The following RTN1 variants were observed in gnomAD, a reference collection of about 807,000 sequenced individuals.
RTN1 encodes reticulon 1.
Under a neutral mutation model 65.5 loss-of-function variants are expected in RTN1, and 25 were observed. That is an observed-to-expected ratio of 0.38 (90% CI 0.28 to 0.53). RTN1 has a LOEUF of 0.53. RTN1 is among the 20% of genes least tolerant of loss of function. The probability of loss-of-function intolerance (pLI) is 0.79; values close to 1 mark genes in which losing one functional copy is unlikely to be tolerated. For missense variants in RTN1, 983 were observed against 1,025.4 expected, an observed-to-expected ratio of 0.96 and a Z score of 0.57; for synonymous variants, 471 against 447.6, an observed-to-expected ratio of 1.05 and a Z score of -0.66.
chr14:59,777,375 C>A lies in RTN1; in HGVS notation c.242-30894G>T, dbSNP rs138264388. Reference sequence around the variant, plus strand: ...TCTTCTCCCAATAATAGTTACTCATCAATTGGAAATAGACCAGATTATATT... The same window carrying A: ...TCTTCTCCCAATAATAGTTACTCATAAATTGGAAATAGACCAGATTATATT... On this transcript the variant is annotated intron_variant, in intron 1 of 8. Coordinates refer to ENST00000267484, the MANE Select transcript of RTN1 (RefSeq NM_021136.3). 1.5e-3 allele frequency among the ~76,000 whole-genome samples: 223 copies of A among 152,258 alleles called. 1 individual carries two copies. Among genetic ancestry groups the A allele is most frequent in the African/African-American group, 4.9e-3 (205 of 41,562 alleles).
At chr14:59,744,013 C>A (rs184840024) in intron 2 of RTN1, among the ~76,000 whole-genome samples, 3 of 152,140 alleles carry the variant, frequency 2.0e-5, no homozygotes, top group Non-Finnish European at 4.4e-5. Flanking sequence ...AATCAGGGAC[C>A]TGGCGCAGTG....
At chr14:59,647,540 A>G (rs1882926206) in intron 3 of RTN1, among the ~76,000 whole-genome samples, 1 of 152,250 alleles carries the variant, frequency 6.6e-6, no homozygotes, top group African/African-American at 2.4e-5. Context: ...AGTCAACCAC[A>G]CAGTTGGTTA....
intron 3 of RTN1, among the ~76,000 whole-genome samples, chr14:59,636,255 A>G (rs1239983740): frequency 6.6e-6 from 1 of 152,092 alleles, no homozygotes; most frequent in African/African-American, 2.4e-5. Context: ...ATGGAGGTGG[A>G]TCCCTCATGG....
At chr14:59,761,344 G>A (rs60907065) in intron 1 of RTN1, among the ~76,000 whole-genome samples, 2,325 of 152,228 alleles carry the variant, frequency 0.015, 51 homozygotes, top group African/African-American at 0.047. Flanking sequence ...TACTGTTCTC[G>A]TGGTAATGAA....
intron 1 of RTN1, among the ~76,000 whole-genome samples, chr14:59,802,967 G>A (rs1027140238): frequency 3.3e-5 from 5 of 151,648 alleles, no homozygotes; most frequent in African/African-American, 7.3e-5. Flanking sequence ...GAATTTACAG[G>A]TGACATTTAA....
rs777883836 is a variant in RTN1, at chr14:59,603,121, T to C, written c.2232A>G (p.Ala744=). Residue 744 remains alanine, a splice_region_variant and synonymous_variant, in exon 8 of 9, where the codon GCA becomes GCG. Coordinates refer to ENST00000267484, the MANE Select transcript of RTN1 (RefSeq NM_021136.3). ...TLPVVYVKHQ[A]QIDQYLGLVR... ...CAAGTCCCAGATATTGGTCAATCTG[T>C]GCCTACATAAAGAAAAAAAAAATAA... 2 of 1,612,134 alleles carry C rather than the reference T, an allele frequency of 1.2e-6. No individual in the cohort carries two copies. The highest frequency in any genetic ancestry group is 1.7e-6 in the Non-Finnish European group (2 of 1,179,308).
At chr14:59,840,144 T>C (rs1303151864) in intron 1 of RTN1, among the ~76,000 whole-genome samples, 1 of 152,156 alleles carries the variant, frequency 6.6e-6, no homozygotes, top group Non-Finnish European at 1.5e-5. Context: ...CCTATCCTGG[T>C]TTAAAACACT....
intron 1 of RTN1, among the ~76,000 whole-genome samples, chr14:59,773,588 A>G (rs1320506236): frequency 6.6e-6 from 1 of 152,268 alleles, no homozygotes; most frequent in Middle Eastern, 3.4e-3. Context: ...CATAATTGAG[A>G]ATCAGATGCA....
chr14:59,646,234 T>C (rs1471798316), intron 3 of RTN1, among the ~76,000 whole-genome samples: 1 of 152,158 alleles, frequency 6.6e-6, no homozygotes, highest in Non-Finnish European at 1.5e-5. Context: ...CTGGCTCTTT[T>C]AAACACGACA....
intron 3 of RTN1, among the ~76,000 whole-genome samples, chr14:59,702,628 G>A (rs549801278): frequency 6.6e-6 from 1 of 152,128 alleles, no homozygotes; most frequent in Non-Finnish European, 1.5e-5. Context: ...TCCAAAACCT[G>A]ATCATTTTTT....
rs545859840 is a variant in RTN1 at position 59,735,060 on chromosome 14, A to G, written c.1016-7392T>C. ...CCTCTCAGCAGAAACCCTATAAGCTAGAAGAGACTGGGGGCCAATATTCAA... is the reference window on the plus strand; with the variant it reads ...CCTCTCAGCAGAAACCCTATAAGCTGGAAGAGACTGGGGGCCAATATTCAA... On this transcript the variant is annotated intron_variant, in intron 2 of 8. Coordinates refer to ENST00000267484, the MANE Select transcript of RTN1 (RefSeq NM_021136.3). Among the ~76,000 whole-genome samples the G allele has an allele frequency of 2.6e-5, 4 of 152,306 alleles. No homozygotes were observed. The East Asian group carries it at 5.8e-4, about 22-fold the overall frequency.
At chr14:59,814,386 G>A (rs1051476183) in intron 1 of RTN1, among the ~76,000 whole-genome samples, 2 of 152,182 alleles carry the variant, frequency 1.3e-5, no homozygotes, top group Non-Finnish European at 2.9e-5. Context: ...ATTGCATATT[G>A]GCAGTGAGGG....
intron 1 of RTN1, among the ~76,000 whole-genome samples, chr14:59,808,018 C>T (rs1886666900): frequency 6.6e-6 from 1 of 152,170 alleles, no homozygotes; most frequent in Admixed American, 6.5e-5. Flanking sequence ...AATTGTGCTT[C>T]TTAGATTATA....
At chr14:59,806,629 T>C (rs28588599) in intron 1 of RTN1, among the ~76,000 whole-genome samples, 31,620 of 152,060 alleles carry the variant, frequency 0.21, 4,878 homozygotes, top group African/African-American at 0.43. Flanking sequence ...CCTCCACCTT[T>C]GGGTAAGCCC....
chr14:59,607,254 T>C (rs1881786825), intron 4 of RTN1, 31 bp downstream of exon 4: 1 of 1,600,750 alleles, frequency 6.2e-7, no homozygotes. Flanking sequence ...CCCTGGTCAG[T>C]GGGTGAGGGC....
At chr14:59,830,727 C>T (rs1336143868) in intron 1 of RTN1, among the ~76,000 whole-genome samples, 1 of 152,114 alleles carries the variant, frequency 6.6e-6, no homozygotes, top group African/African-American at 2.4e-5. Context: ...CATCTCTGTG[C>T]CTTAATTTTC....
At chr14:59,628,868 T>C (rs1392486806) in intron 3 of RTN1, among the ~76,000 whole-genome samples, 2 of 152,170 alleles carry the variant, frequency 1.3e-5, no homozygotes, top group East Asian at 1.9e-4. Context: ...CTTATACAAA[T>C]AGAAAAGAAA....
chr14:59,694,462 A>G (rs1447747991), intron 3 of RTN1, among the ~76,000 whole-genome samples: 1 of 152,204 alleles, frequency 6.6e-6, no homozygotes, highest in Non-Finnish European at 1.5e-5. Flanking sequence ...TGAGAATCAG[A>G]GATTTATCAC....
chr14:59,703,549 T>C (rs1884225456), intron 3 of RTN1, among the ~76,000 whole-genome samples: 3 of 152,204 alleles, frequency 2.0e-5, no homozygotes. Flanking sequence ...TGCAGAACCA[T>C]GAGTCAATAA....
Sources: allele counts gnomAD v4.1 joint callset (sites outside exome capture counted in the v4.1 genomes callset), GRCh38; gene constraint gnomAD v4.1.1; transcripts MANE v1.5; gene names NCBI Gene and HGNC (gene_info 2026-07-23, HGNC 2026-07-21).